SCGB2A1: variants seen among roughly 807,000 people sequenced by gnomAD.
SCGB2A1 encodes secretoglobin family 2A member 1.
A neutral mutation model predicts 9.2 loss-of-function variants in SCGB2A1; 6 were observed. The ratio of observed to expected loss-of-function variants is 0.66; its 90% confidence interval spans 0.36 to 1.29. SCGB2A1 has a LOEUF of 1.29. Among genes scored for constraint, SCGB2A1 ranks in the 50% most tolerant of loss-of-function variants. The pLI, the probability that SCGB2A1 is intolerant of heterozygous loss-of-function variation, is 0.03. For missense variants in SCGB2A1, 138 were observed against 116.9 expected, an observed-to-expected ratio of 1.18 and a Z score of -0.83; for synonymous variants, 37 against 41.0, an observed-to-expected ratio of 0.90 and a Z score of 0.37.
rs776734705 is a variant in SCGB2A1, at chr11:62,213,770, A to C, written c.288A>C (p.Ter96TyrextTer22). Residue 96 changes from the stop codon to tyrosine (Y), a stop_lost, in exon 3 of 3, where the codon TAA becomes TAC. Coordinates refer to ENST00000244930, the MANE Select transcript of SCGB2A1 (RefSeq NM_002407.3). ...TTTGGTGTAATATGAAGAGTAATTA[A>C]CTTTACCCAAGGCGTTTGGCTCAGA... ...DSIWCNMKSN[*>Y] is the part of the protein sequence containing the mutation. 1 of 1,613,808 alleles carries C rather than the reference A, an allele frequency of 6.2e-7. No homozygotes were observed. The highest frequency in any genetic ancestry group is 8.5e-7 in the Non-Finnish European group (1 of 1,179,840).
At chr11:62,210,293 C>A in intron 1 of SCGB2A1, 120 bp from the exon 2 acceptor site, 1 of 1,249,112 alleles carries the variant, frequency 8.0e-7, no homozygotes, top group Non-Finnish European at 1.1e-6. Context: ...TCTTTCTGAA[C>A]CTCGGTCTGT....
chr11:62,213,029 TAC>T lies in SCGB2A1; in HGVS notation c.244-691_244-690del, dbSNP rs1295519490. Among the ~76,000 whole-genome samples the T allele has an allele frequency of 9.9e-4, 53 of 53,798 alleles. 2 individuals are homozygous for T. Among genetic ancestry groups the T allele is most frequent in the African/African-American group, 2.9e-3 (48 of 16,274 alleles). 35.3% of individuals were successfully genotyped at this position (53,798 alleles called of 152,430 possible). A position where few individuals can be genotyped will look rare whatever the true frequency, so the allele number is the denominator to read the frequency against. On this transcript the variant is annotated intron_variant, in intron 2 of 2. Coordinates refer to ENST00000244930, the MANE Select transcript of SCGB2A1 (RefSeq NM_002407.3). Reference sequence around the variant, plus strand: ...ACATATATGCACATATATACATATATACACACATATATACATATATACACATA... The same window carrying T: ...ACATATATGCACATATATACATATATACACATATATACATATATACACATA...
In SCGB2A1 at chr11:62,213,106, A is replaced by ATT. The variant is rs1554985926; in HGVS notation, c.244-610_244-609dup. ...CATATATACACATATATATATATAT[A>ATT]TTTTTTTTTTTGTAGAGATGGCATT... On this transcript the variant is annotated intron_variant, in intron 2 of 2. Coordinates refer to ENST00000244930, the MANE Select transcript of SCGB2A1 (RefSeq NM_002407.3). 3.1e-3 allele frequency among the ~76,000 whole-genome samples: 358 copies of ATT among 116,234 alleles called. 15 individuals are homozygous for ATT. The highest frequency in any genetic ancestry group is 3.4e-3 in the Non-Finnish European group (199 of 59,160). 76.3% of individuals were successfully genotyped at this position (116,234 alleles called of 152,430 possible).
chr11:62,209,341 AGCACTAAAGAT>A (rs991209346), intron 1 of SCGB2A1, among the ~76,000 whole-genome samples: 17 of 152,310 alleles, frequency 1.1e-4, no homozygotes, highest in African/African-American at 4.1e-4. Context: ...GTCTCCTTCC[AGCACTAAAGAT>A]TCAGTGGGAG....
chr11:62,213,025 T>C (rs61893723), intron 2 of SCGB2A1, among the ~76,000 whole-genome samples: 2,441 of 36,940 alleles, frequency 0.066, 116 homozygotes, highest in African/African-American at 0.16. Context: ...CATATATACA[T>C]ATATACACAC....
At chr11:62,213,002 A>ACACGTATATG (rs1944845637) in intron 2 of SCGB2A1, among the ~76,000 whole-genome samples, 2 of 81,460 alleles carry the variant, frequency 2.5e-5, no homozygotes, top group Non-Finnish European at 4.9e-5. Flanking sequence ...GCATATATGT[A>ACACGTATATG]CACATATATG....
chr11:62,213,861 T>A lies in SCGB2A1; in HGVS notation c.*91T>A. ...GAAACCACTTTTCTTTCTTGTGTTG[T>A]CTTTTTATGTGGAAACTGCTAGACA... On this transcript the variant is annotated 3_prime_UTR_variant, in exon 3 of 3. Coordinates refer to ENST00000244930, the MANE Select transcript of SCGB2A1 (RefSeq NM_002407.3). 9.1e-7 allele frequency: 1 copy of A among 1,103,456 alleles called. No homozygotes were observed. The highest frequency in any genetic ancestry group is 1.3e-6 in the Non-Finnish European group (1 of 742,684). 68.4% of individuals were successfully genotyped at this position (1,103,456 alleles called of 1,614,324 possible).
intron 2 of SCGB2A1, among the ~76,000 whole-genome samples, chr11:62,213,002 ACACATATATG>A (rs763567822): frequency 4.3e-4 from 35 of 81,502 alleles, no homozygotes; most frequent in Admixed American, 6.5e-4. Flanking sequence ...GCATATATGT[ACACATATATG>A]CACATATATA....
intron 2 of SCGB2A1, among the ~76,000 whole-genome samples, chr11:62,213,265 T>C (rs1328749880): frequency 6.6e-6 from 1 of 151,858 alleles, no homozygotes; most frequent in Admixed American, 6.6e-5. Flanking sequence ...GCCTCAAAGG[T>C]AATGGTGAAG....
intron 2 of SCGB2A1, among the ~76,000 whole-genome samples, chr11:62,211,213 CG>C (rs1437372735): frequency 1.3e-5 from 2 of 151,702 alleles, no homozygotes; most frequent in Non-Finnish European, 2.9e-5. Flanking sequence ...TCTGAGCCCC[CG>C]CACCCAGCCA....
chr11:62,213,103 TA>T lies in SCGB2A1; in HGVS notation c.244-622del, dbSNP rs1344044866. 9.5e-4 allele frequency among the ~76,000 whole-genome samples: 39 copies of T among 41,072 alleles called. 5 individuals are homozygous for T. The highest frequency in any genetic ancestry group is 2.8e-3 in the Admixed American group (8 of 2,822). 26.9% of individuals were successfully genotyped at this position (41,072 alleles called of 152,430 possible). ...ACACATATATACACATATATATATA[TA>T]TATTTTTTTTTTTGTAGAGATGGCA... On this transcript the variant is annotated intron_variant, in intron 2 of 2. Transcript: ENST00000244930.
intron 2 of SCGB2A1, among the ~76,000 whole-genome samples, chr11:62,213,000 G>A (rs1210086951): frequency 2.3e-5 from 2 of 87,894 alleles, no homozygotes; most frequent in Admixed American, 1.5e-4. Flanking sequence ...ATGCATATAT[G>A]TACACATATA....
Position 62,213,790 on chromosome 11 carries a change from C to T in SCGB2A1, c.*20C>T. On this transcript the variant is annotated 3_prime_UTR_variant, in exon 3 of 3. Transcript: ENST00000244930. ...AATTAACTTTACCCAAGGCGTTTGG[C>T]TCAGAGGGCTACAGACTATGGCCAG... 6.2e-7 allele frequency: 1 copy of T among 1,609,422 alleles called. No individual in the cohort carries two copies. Among genetic ancestry groups the T allele is most frequent in the Non-Finnish European group, 8.5e-7 (1 of 1,176,038 alleles).
chr11:62,213,246 A>G (rs952984515), intron 2 of SCGB2A1, among the ~76,000 whole-genome samples: 1 of 151,678 alleles, frequency 6.6e-6, no homozygotes, highest in Non-Finnish European at 1.5e-5. Context: ...CAGCTCCAAT[A>G]TTTCATAGGC....
intron 2 of SCGB2A1, among the ~76,000 whole-genome samples, chr11:62,212,984 A>G (rs1472520135): frequency 6.7e-6 from 1 of 148,186 alleles, no homozygotes; most frequent in Non-Finnish European, 1.5e-5. Flanking sequence ...ATATGTGCAC[A>G]TATACATGCA....
Position 62,213,878 on chromosome 11 carries a change from T to G in SCGB2A1, c.*108T>G. On this transcript the variant is annotated 3_prime_UTR_variant, in exon 3 of 3. Transcript: ENST00000244930. The stretch of plus-strand genomic sequence containing the variant: ...TTGTGTTGTCTTTTTATGTGGAAAC[T>G]GCTAGACAACTGTTGAAACCTCAAA... 1 of 862,730 alleles carries G rather than the reference T, an allele frequency of 1.2e-6. No homozygotes were observed. The allele number at this position is 862,730 out of a possible 1,614,324, so 53.4% of individuals were successfully genotyped here.
intron 1 of SCGB2A1, among the ~76,000 whole-genome samples, chr11:62,209,765 C>T (rs1217888315): frequency 6.6e-6 from 1 of 152,024 alleles, no homozygotes. Context: ...ACCTCTTCCT[C>T]GAAGGCTCAA....
intron 1 of SCGB2A1, among the ~76,000 whole-genome samples, chr11:62,209,570 G>A (rs1011113700): frequency 5.9e-5 from 9 of 151,798 alleles, no homozygotes; most frequent in Admixed American, 2.0e-4. Context: ...TCCTGAGCTC[G>A]TTCCTCTCCC....
At chr11:62,213,054 A>C (rs1944848562) in intron 2 of SCGB2A1, among the ~76,000 whole-genome samples, 1 of 79,144 alleles carries the variant, frequency 1.3e-5, no homozygotes, top group African/African-American at 4.6e-5. Flanking sequence ...ATATATACAC[A>C]TATATACACA....
Sources: allele counts gnomAD v4.1 joint callset (sites outside exome capture counted in the v4.1 genomes callset), GRCh38; gene constraint gnomAD v4.1.1; transcripts MANE v1.5; gene names NCBI Gene and HGNC (gene_info 2026-07-23, HGNC 2026-07-21).